PIAS4: variants seen among roughly 807,000 people sequenced by gnomAD.
PIAS4 encodes the protein E3 SUMO-protein ligase PIAS4.
In PIAS4, 7 loss-of-function variants were observed where a neutral mutation model predicts 58.0. That is an observed-to-expected ratio of 0.12 (90% confidence interval 0.07 to 0.23). PIAS4 has a LOEUF of 0.23. Ranked by LOEUF, PIAS4 falls within the 10% of genes least tolerant of loss-of-function variation. The probability of loss-of-function intolerance (pLI) is 1.00; values close to 1 mark genes in which losing one functional copy is unlikely to be tolerated. For missense variants in PIAS4, 550 were observed against 709.5 expected (o/e 0.78, Z 2.55); for synonymous variants, 364 against 312.4 (o/e 1.17, Z -1.74).
In PIAS4 at chr19:4,037,888, A is replaced by T; in HGVS notation, c.*13A>T. The T allele has an allele frequency of 6.4e-7, 1 of 1,566,002 alleles. No individual in the cohort carries two copies. The highest frequency in any genetic ancestry group is 8.6e-7 in the Non-Finnish European group (1 of 1,161,448). ...GCCGGCCTGCTGACCCCGGCCGCAC[A>T]CTCGACTTTCCTGGTGCTCACCACG... On this transcript the variant is annotated 3_prime_UTR_variant, in exon 11 of 11. Transcript: ENST00000262971. The surrounding 1 kb of genome is among the most constrained non-coding windows in gnomAD (Gnocchi z 5.8).
chr19:4,035,216 G>A (rs978602016), intron 9 of PIAS4, among the ~76,000 whole-genome samples: 8 of 152,092 alleles, frequency 5.3e-5, no homozygotes, highest in Non-Finnish European at 1.0e-4. Context: ...AGAGTGGGAC[G>A]AGGGCTCTCC....
At chr19:4,020,471 G>GA (rs1474837463) in intron 2 of PIAS4, among the ~76,000 whole-genome samples, 2 of 151,432 alleles carry the variant, frequency 1.3e-5, no homozygotes, top group African/African-American at 4.9e-5. Context: ...GCCACTGCAA[G>GA]GCTGCCATTG....
chr19:4,021,621 C>T (rs1426837119), intron 2 of PIAS4, among the ~76,000 whole-genome samples: 1 of 151,836 alleles, frequency 6.6e-6, no homozygotes, highest in Non-Finnish European at 1.5e-5. Context: ...TTATGCTGGC[C>T]TTGTAAAATA....
At chr19:4,036,719 T>C (rs1032244283) in intron 9 of PIAS4, among the ~76,000 whole-genome samples, 8 of 140,580 alleles carry the variant, frequency 5.7e-5, no homozygotes, top group Admixed American at 4.9e-4. Context: ...CACACACACA[T>C]CTCTACAGTC....
rs368774498 is a variant in PIAS4, at chr19:4,023,985, G to A, written c.455-51G>A. ...CAGGCTGGGAAAAGCGACTGGGCTC[G>A]GGGGACCTGCCAGGGACCAGACATG... On this transcript the variant is annotated intron_variant, in intron 2 of 10. Transcript: ENST00000262971. 96 of 1,283,412 alleles carry A rather than the reference G, an allele frequency of 7.5e-5. 2 individuals carry two copies. The African/African-American group carries it at 8.7e-4, about 12-fold the overall frequency. The allele number at this position is 1,283,412 out of a possible 1,614,324, so 79.5% of individuals were successfully genotyped here. A position where few individuals can be genotyped will look rare whatever the true frequency, so the allele number is the denominator to read the frequency against.
chr19:4,030,012 C>CG (rs1209433238), intron 7 of PIAS4, among the ~76,000 whole-genome samples: 3 of 151,450 alleles, frequency 2.0e-5, no homozygotes, highest in African/African-American at 7.3e-5. Context: ...TCAGTAGAGA[C>CG]GGGGTTTCAC....
intron 2 of PIAS4, among the ~76,000 whole-genome samples, chr19:4,023,262 T>A (rs998873816): frequency 8.6e-5 from 13 of 151,044 alleles, no homozygotes; most frequent in African/African-American, 3.2e-4. Flanking sequence ...GCGGATCACC[T>A]GAGGTCACGA....
Position 4,020,815 on chromosome 19 carries a change from G to A in PIAS4, c.455-3221G>A, listed in dbSNP as rs553269588. ...AAGGTCTCACTGTGTTGCCTGGGCT[G>A]GGCTCCAACTCCTGTGCTACAGCGA... On this transcript the variant is annotated intron_variant, in intron 2 of 10. Transcript: ENST00000262971. Among the ~76,000 whole-genome samples, 131 of 133,166 alleles carry A rather than the reference G, an allele frequency of 9.8e-4. 1 individual carries two copies. Among genetic ancestry groups the A allele is most frequent in the African/African-American group, 5.3e-3 (124 of 23,542 alleles). 87.4% of individuals were successfully genotyped at this position (133,166 alleles called of 152,430 possible).
At chr19:4,011,651 G>A (rs1267999788) in intron 1 of PIAS4, among the ~76,000 whole-genome samples, 1 of 151,472 alleles carries the variant, frequency 6.6e-6, no homozygotes, top group Non-Finnish European at 1.5e-5. Flanking sequence ...TGGTGTGGAG[G>A]TGTGTTTGGT....
chr19:4,028,050 G>A, intron 3 of PIAS4, 96 bp from the exon 4 acceptor site: 2 of 1,146,014 alleles, frequency 1.7e-6, no homozygotes, highest in East Asian at 2.3e-5. Flanking sequence ...AGGGAGCCTT[G>A]TGGTGTGGCG....
At chr19:4,018,061 C>T (rs2040069698) in intron 2 of PIAS4, among the ~76,000 whole-genome samples, 2 of 152,264 alleles carry the variant, frequency 1.3e-5, no homozygotes, top group Admixed American at 6.5e-5. Flanking sequence ...ATCCACCTGC[C>T]TCGGCCTCCC....
chr19:4,015,125 C>T (rs1177998006), intron 2 of PIAS4, among the ~76,000 whole-genome samples: 1 of 152,164 alleles, frequency 6.6e-6, no homozygotes, highest in East Asian at 1.9e-4. Context: ...TGAGTTCCAT[C>T]GGACTGACTT....
chr19:4,029,773 A>G (rs1258097251), intron 7 of PIAS4, among the ~76,000 whole-genome samples: 1 of 146,268 alleles, frequency 6.8e-6, no homozygotes, highest in East Asian at 2.0e-4. Context: ...CCTCCTGAGT[A>G]GCTTGGGACC....
At position 4,013,812 on chromosome 19, in the gene PIAS4, C is replaced by T. The variant is rs954682875; in HGVS notation, c.454+463C>T. Among the ~76,000 whole-genome samples the T allele has an allele frequency of 2.0e-5, 3 of 152,190 alleles. No homozygotes were observed. Among genetic ancestry groups the T allele is most frequent in the Non-Finnish European group, 2.9e-5 (2 of 68,022 alleles). On this transcript the variant is annotated intron_variant, in intron 2 of 10. Coordinates refer to ENST00000262971, the MANE Select transcript of PIAS4 (RefSeq NM_015897.4). This position sits in a 1 kb window ranked among gnomAD's most constrained non-coding sequence, Gnocchi z 5.1. ...GCACGGATTGCCTGGGCGTCCTCAGCCTGGTGGCTCCCTCACCCTAGGGTA... is the reference window on the plus strand; with the variant it reads ...GCACGGATTGCCTGGGCGTCCTCAGTCTGGTGGCTCCCTCACCCTAGGGTA...
chr19:4,027,069 G>C (rs1452861193), intron 3 of PIAS4, among the ~76,000 whole-genome samples: 1 of 151,852 alleles, frequency 6.6e-6, no homozygotes, highest in Admixed American at 6.6e-5. Flanking sequence ...AGCCAGGAGG[G>C]TCTCGATCTC....
intron 1 of PIAS4, 112 bp downstream of exon 1, chr19:4,007,899 C>A: frequency 1.2e-6 from 1 of 804,596 alleles, no homozygotes. Flanking sequence ...GGCCGGCCCG[C>A]GGCTCGCCGT....
intron 3 of PIAS4, among the ~76,000 whole-genome samples, chr19:4,025,321 C>T (rs1402158129): frequency 6.6e-6 from 1 of 152,192 alleles, no homozygotes; most frequent in Non-Finnish European, 1.5e-5. Flanking sequence ...AGGTGAGGGG[C>T]CAGTGTGGCT....
At chr19:4,022,364 T>G (rs553816520) in intron 2 of PIAS4, among the ~76,000 whole-genome samples, 11 of 152,174 alleles carry the variant, frequency 7.2e-5, no homozygotes, top group Non-Finnish European at 1.3e-4. Context: ...TGGTGGTTTT[T>G]TTTGAGACAG....
Position 4,038,338 on chromosome 19 carries a change from TC to T in PIAS4, c.*464del, listed in dbSNP as rs1350406052. Reference sequence around the variant, plus strand: ...TCTGGCGACCACTTTGACGTTTGTCTCTTCCTTTGCTTTTTCTCTGCAAATG... The same window carrying T: ...TCTGGCGACCACTTTGACGTTTGTCTTTCCTTTGCTTTTTCTCTGCAAATG... On this transcript the variant is annotated 3_prime_UTR_variant, in exon 11 of 11. Transcript: ENST00000262971. This position sits in a 1 kb window ranked among gnomAD's most constrained non-coding sequence, Gnocchi z 4.1. The T allele has an allele frequency of 2.0e-5, 3 of 152,448 alleles. No individual in the cohort carries two copies. In the East Asian group the frequency reaches 5.8e-4, roughly 30 times the overall value. The allele number at this position is 152,448 out of a possible 1,614,324, so 9.4% of individuals were successfully genotyped here.
Sources: allele counts gnomAD v4.1 joint callset (sites outside exome capture counted in the v4.1 genomes callset), GRCh38; gene constraint gnomAD v4.1.1; non-coding constraint Gnocchi (gnomAD v3.1); transcripts MANE v1.5; gene names NCBI Gene and HGNC (gene_info 2026-07-23, HGNC 2026-07-21).